Variants in BRDT observed in about 807,000 individuals in gnomAD.
BRDT encodes bromodomain testis-specific protein.
A neutral mutation model predicts 113.9 loss-of-function variants in BRDT; 77 were observed. That is an observed-to-expected ratio of 0.68 (90% CI 0.56 to 0.82). The LOEUF is 0.82. Among genes scored for constraint, BRDT ranks in the 40% least tolerant of loss-of-function variants. The pLI is 0.00. For synonymous variants in BRDT, 358 were observed against 366.5 expected (o/e 0.98, Z 0.26); for missense variants, 1,027 against 1,105.4 (o/e 0.93, Z 1.01).
chr1:91,964,909 AATTT>A, intron 3 of BRDT, 145 bp downstream of exon 3: 1 of 396,812 alleles, frequency 2.5e-6, no homozygotes, highest in Non-Finnish European at 3.9e-6. Flanking sequence ...GTGTGTATAT[AATTT>A]TTTTTTTTTT....
intron 1 of BRDT, among the ~76,000 whole-genome samples, chr1:91,959,591 C>T (rs1682199806): frequency 6.6e-6 from 1 of 151,994 alleles, no homozygotes; most frequent in African/African-American, 2.4e-5. Flanking sequence ...AGTGGTCCTT[C>T]CACTTCAGCC....
At chr1:91,979,847 T>A in intron 8 of BRDT, 90 bp downstream of exon 8, 1 of 1,256,388 alleles carries the variant, frequency 8.0e-7, no homozygotes, top group Non-Finnish European at 1.1e-6. Context: ...CTGTTATAGT[T>A]AAATCGCTTC....
chr1:91,967,599 C>T (rs1237676012), intron 3 of BRDT, among the ~76,000 whole-genome samples: 3 of 152,022 alleles, frequency 2.0e-5, no homozygotes, highest in East Asian at 1.9e-4. Context: ...GGTTTCTCCA[C>T]GTTTGTCAGG....
At chr1:91,980,836 T>C (rs1333879354) in intron 9 of BRDT, 21 bp downstream of exon 9, 4 of 1,589,400 alleles carry the variant, frequency 2.5e-6, no homozygotes, top group African/African-American at 1.4e-5. Context: ...TTTATTATGA[T>C]AGCTTATTAA....
chr1:91,954,526 C>G (rs1163098458), intron 1 of BRDT, among the ~76,000 whole-genome samples: 4 of 152,082 alleles, frequency 2.6e-5, no homozygotes, highest in Non-Finnish European at 5.9e-5. Flanking sequence ...GTGTTCTTCC[C>G]ACCTTGGCCT....
intron 3 of BRDT, 132 bp downstream of exon 3, chr1:91,964,896 TG>T: frequency 4.0e-6 from 2 of 498,352 alleles, no homozygotes; most frequent in Non-Finnish European, 6.2e-6. Context: ...TGTGTGTGTG[TG>T]TGTGTGTATA....
At chr1:91,993,925 T>C (rs1228902689) in intron 14 of BRDT, among the ~76,000 whole-genome samples, 158 bp from the exon 15 acceptor site, 1 of 152,222 alleles carries the variant, frequency 6.6e-6, no homozygotes, top group African/African-American at 2.4e-5. Flanking sequence ...ATTTGCAAGA[T>C]AGGGATAACT....
chr1:91,972,192 G>A (rs1683698460), intron 4 of BRDT, among the ~76,000 whole-genome samples: 1 of 152,008 alleles, frequency 6.6e-6, no homozygotes, highest in Admixed American at 6.6e-5. Context: ...TTTGCCTTAG[G>A]AAACTACTGT....
chr1:92,005,049 T>C, intron 17 of BRDT, 70 bp from the exon 18 acceptor site: 3 of 1,193,404 alleles, frequency 2.5e-6, no homozygotes, highest in Non-Finnish European at 3.4e-6. Flanking sequence ...ATATTTGTCA[T>C]TTAATAACAT....
chr1:91,984,788 C>T (rs145555395), intron 12 of BRDT, among the ~76,000 whole-genome samples: 311 of 152,204 alleles, frequency 2.0e-3, no homozygotes, highest in Non-Finnish European at 3.2e-3. Flanking sequence ...TGTGCCACCA[C>T]GCTGGGCTAA....
At chr1:92,000,403 T>C (rs1481662974) in intron 15 of BRDT, among the ~76,000 whole-genome samples, 2 of 152,238 alleles carry the variant, frequency 1.3e-5, no homozygotes, top group African/African-American at 2.4e-5. Context: ...TGAGGAAACA[T>C]GGCTACATTG....
intron 1 of BRDT, chr1:91,950,256 C>G (rs1680904682): frequency 6.6e-6 from 1 of 152,216 alleles, no homozygotes; most frequent in Admixed American, 6.6e-5. Context: ...CAAGACCAGC[C>G]TGGCCAACAT....
chr1:91,966,814 T>C (rs915266302), intron 3 of BRDT, among the ~76,000 whole-genome samples: 1 of 152,202 alleles, frequency 6.6e-6, no homozygotes, highest in Non-Finnish European at 1.5e-5. Context: ...CTCATGCCTG[T>C]AATCCCAGCA....
intron 14 of BRDT, 42 bp downstream of exon 14, chr1:91,992,356 G>A (rs1685868200): frequency 8.4e-7 from 1 of 1,192,450 alleles, no homozygotes; most frequent in Non-Finnish European, 1.1e-6. Flanking sequence ...GGAAGAAATG[G>A]TTTACATATA....
At position 91,987,607 on chromosome 1, in the gene BRDT, A is replaced by C. The variant is rs531498117; in HGVS notation, c.2003-3577A>C. Among the ~76,000 whole-genome samples, 5 of 152,086 alleles carry C rather than the reference A, an allele frequency of 3.3e-5. No individual in the cohort carries two copies. The East Asian group carries it at 9.7e-4, about 29-fold the overall frequency. On this transcript the variant is annotated intron_variant, in intron 12 of 18. Transcript: ENST00000399546. ...CACCTCAGCCTGCCTCAGCCTCTCA[A>C]AGTGCTGGGATTACAGGCGTGAGCC...
chr1:91,975,463 C>A (rs538930850), intron 4 of BRDT, among the ~76,000 whole-genome samples: 2 of 152,008 alleles, frequency 1.3e-5, no homozygotes, highest in Non-Finnish European at 2.9e-5. Context: ...TATAGAGGAC[C>A]GAAGCAGAAG....
intron 4 of BRDT, among the ~76,000 whole-genome samples, chr1:91,969,445 A>G (rs1683397705): frequency 6.6e-6 from 1 of 152,002 alleles, no homozygotes; most frequent in African/African-American, 2.4e-5. Context: ...TCTATGAGAT[A>G]TTCACATATT....
At chr1:92,012,039 T>C (rs1687839044) in intron 18 of BRDT, among the ~76,000 whole-genome samples, 1 of 152,192 alleles carries the variant, frequency 6.6e-6, no homozygotes, top group East Asian at 1.9e-4. Flanking sequence ...CTGGGTACAG[T>C]GGCTCACGCC....
chr1:91,969,339 T>TTC (rs1553187183), intron 4 of BRDT, among the ~76,000 whole-genome samples: 1 of 8,284 alleles, frequency 1.2e-4, no homozygotes, highest in South Asian at 5.7e-3. Context: ...CAGAGGTTGA[T>TTC]TTTTTTTTTT....
Sources: gnomAD v4.1 joint callset for allele counts (sites outside exome capture counted in the v4.1 genomes callset) on GRCh38, gnomAD v4.1.1 for gene constraint, MANE v1.5 for transcripts, NCBI Gene and HGNC (gene_info 2026-07-23, HGNC 2026-07-21) for gene names.